Variants in NRN1 observed in about 807,000 individuals in gnomAD.
The protein encoded by NRN1 is neuritin 1, also known as neuritin.
In NRN1, 4 loss-of-function variants were observed where a neutral mutation model predicts 15.0. The ratio of observed to expected loss-of-function variants is 0.27; its 90% confidence interval spans 0.13 to 0.61. The LOEUF (loss-of-function observed/expected upper bound fraction) is 0.61, where lower values mean the gene tolerates loss of function less well. Ranked by LOEUF, NRN1 falls within the 20% of genes least tolerant of loss-of-function variation. The pLI is 0.87. For synonymous variants in NRN1, 85 were observed against 79.8 expected, an observed-to-expected ratio of 1.07 and a Z score of -0.35; for missense variants, 134 against 181.9, an observed-to-expected ratio of 0.74 and a Z score of 1.51.
chr6:6,006,962 A>AGG (rs11285278), upstream of NRN1: 28 of 151,888 alleles, frequency 1.8e-4, no homozygotes, highest in East Asian at 2.2e-3. Context: ...AGAGAGGCTG[A>AGG]GGGGGGGGGG....
intron 1 of NRN1, chr6:6,002,854 C>G (rs896614493): frequency 5.3e-6 from 2 of 379,670 alleles, no homozygotes; most frequent in Non-Finnish European, 9.5e-6. Context: ...TTCTCTTTCT[C>G]CTCGCTCCCT....
chr6:6,001,354 G>T (rs147881387), intron 2 of NRN1, among the ~76,000 whole-genome samples: 178 of 152,312 alleles, frequency 1.2e-3, no homozygotes, highest in African/African-American at 3.8e-3. Flanking sequence ...GTTATTTTGG[G>T]GGTGGGGGAA....
chr6:6,002,430 A>G lies in NRN1; in HGVS notation c.123T>C (p.Cys41=), dbSNP rs1191173020. 1 of 1,614,206 alleles carries G rather than the reference A, an allele frequency of 6.2e-7. No individual in the cohort carries two copies. Among genetic ancestry groups the G allele is most frequent in the East Asian group, 2.2e-5 (1 of 44,872 alleles). Residue 41 remains cysteine (C), a synonymous_variant, in exon 2 of 3, where the codon TGT becomes TGC. Coordinates refer to ENST00000244766, the MANE Select transcript of NRN1 (RefSeq NM_016588.3). ...CDAVFKGFSD[C]LLKLGDSMAN... ...CCATGCTGTCGCCCAGCTTGAGCAA[A>G]CAGTCCGAAAAGCCCTTGAAGACCG...
chr6:6,003,957 C>G lies in NRN1; in HGVS notation c.56-1460G>C, dbSNP rs921027889. On this transcript the variant is annotated intron_variant, in intron 1 of 2. Transcript: ENST00000244766. ...GTGTGTGAATGTGTCCCGGGAGGAC[C>G]GGACACCTCAATCCCCCGGCCCCCA... 4.3e-5 allele frequency: 53 copies of G among 1,225,142 alleles called. 1 individual carries two copies. Among genetic ancestry groups the G allele is most frequent in the Middle Eastern group, 6.3e-4 (2 of 3,200 alleles). The allele number at this position is 1,225,142 out of a possible 1,614,324, so 75.9% of individuals were successfully genotyped here.
chr6:6,007,046 G>T (rs1174042635), upstream of NRN1: 1 of 406,312 alleles, frequency 2.5e-6, no homozygotes, highest in Non-Finnish European at 4.4e-6. Flanking sequence ...CAGGCCTGAC[G>T]TGGGGGATGA....
intron 1 of NRN1, chr6:6,003,633 G>GCCCCAATC: frequency 9.4e-7 from 1 of 1,058,260 alleles, no homozygotes; most frequent in Non-Finnish European, 1.2e-6. Context: ...GAAGGTCCAA[G>GCCCCAATC]CCCCAAGCCC....
rs753578227 is a variant in NRN1 at position 5,999,256 on chromosome 6, G to GGACGCCGGT, written c.201-53_201-52insACCGGCGTC. On this transcript the variant is annotated intron_variant, in intron 2 of 2. Coordinates refer to ENST00000244766, the MANE Select transcript of NRN1 (RefSeq NM_016588.3). Reference sequence around the variant, plus strand: ...CAAGCAGGTTCACTTGGGACGCCGGGAACACCCCGGGCTTGCGCCCCTGCG... The same window carrying GGACGCCGGT: ...CAAGCAGGTTCACTTGGGACGCCGGGGACGCCGGTAACACCCCGGGCTTGCGCCCCTGCG... The GGACGCCGGT allele has an allele frequency of 1.8e-5, 27 of 1,507,436 alleles. No individual in the cohort carries two copies. The African/African-American group carries it at 3.1e-4, about 18-fold the overall frequency. The allele number at this position is 1,507,436 out of a possible 1,614,324, so 93.4% of individuals were successfully genotyped here. A position where few individuals can be genotyped will look rare whatever the true frequency, so the allele number is the denominator to read the frequency against.
At chr6:6,005,446 G>A (rs912099024) in intron 1 of NRN1, among the ~76,000 whole-genome samples, 3 of 152,148 alleles carry the variant, frequency 2.0e-5, no homozygotes, top group African/African-American at 7.2e-5. Context: ...TCTTTATAAT[G>A]TTTCTGCATT....
chr6:6,003,996 T>A, intron 1 of NRN1: 3 of 1,213,078 alleles, frequency 2.5e-6, no homozygotes, highest in Non-Finnish European at 3.1e-6. Flanking sequence ...CGGGCGCCTG[T>A]CCGCGAGCGC....
At chr6:6,006,058 T>C (rs1405720952) in intron 1 of NRN1, among the ~76,000 whole-genome samples, 1 of 152,224 alleles carries the variant, frequency 6.6e-6, no homozygotes, top group Non-Finnish European at 1.5e-5. Flanking sequence ...TCTAGAAAAG[T>C]ATATCTACGT....
At position 6,002,447 on chromosome 6, in the gene NRN1, T is replaced by G; in HGVS notation, c.106A>C (p.Lys36Gln). The G allele has an allele frequency of 6.2e-7, 1 of 1,614,196 alleles. No homozygotes were observed. Among genetic ancestry groups the G allele is most frequent in the Non-Finnish European group, 8.5e-7 (1 of 1,180,024 alleles). ...RAAGKCDAVF[K>Q]GFSDCLLKLG... ...TTGAGCAAACAGTCCGAAAAGCCCT[T>G]GAAGACCGCATCGCACTTGCCCGCT... Residue 36 changes from lysine to glutamine, a missense_variant, in exon 2 of 3, where the codon AAG (lysine) becomes CAG (glutamine). Transcript: ENST00000244766.
In NRN1 at chr6:5,999,265, G is replaced by A. The variant is rs1757864120; in HGVS notation, c.201-61C>T. On this transcript the variant is annotated intron_variant, in intron 2 of 2. Coordinates refer to ENST00000244766, the MANE Select transcript of NRN1 (RefSeq NM_016588.3). ...TCACTTGGGACGCCGGGAACACCCC[G>A]GGCTTGCGCCCCTGCGCCTCCCCGC... is the stretch of plus-strand genomic sequence containing the variant. 4 of 1,465,760 alleles carry A rather than the reference G, an allele frequency of 2.7e-6. No individual in the cohort carries two copies. The Admixed American group carries it at 5.1e-5, about 19-fold the overall frequency. The allele number at this position is 1,465,760 out of a possible 1,614,324, so 90.8% of individuals were successfully genotyped here.
At position 5,998,857 on chromosome 6, in the gene NRN1, G is replaced by A; in HGVS notation, c.*119C>T. On this transcript the variant is annotated 3_prime_UTR_variant, in exon 3 of 3. Coordinates refer to ENST00000244766, the MANE Select transcript of NRN1 (RefSeq NM_016588.3). ...ATCAGGATTTCCCACAATCCTATAT[G>A]AGTGTTTTCAGCATCACAGAGAATC... is the stretch of plus-strand genomic sequence containing the variant. 3.0e-6 allele frequency: 2 copies of A among 675,906 alleles called. No individual in the cohort carries two copies. Among genetic ancestry groups the A allele is most frequent in the Non-Finnish European group, 5.0e-6 (2 of 396,434 alleles). The allele number at this position is 675,906 out of a possible 1,614,324, so 41.9% of individuals were successfully genotyped here.
At chr6:6,004,811 C>T (rs1758064778) in intron 1 of NRN1, among the ~76,000 whole-genome samples, 2 of 152,056 alleles carry the variant, frequency 1.3e-5, no homozygotes, top group African/African-American at 4.8e-5. Context: ...CTGCCGTCCC[C>T]TTCTTGTGCG....
chr6:6,002,937 CAG>C, intron 1 of NRN1: 2 of 399,974 alleles, frequency 5.0e-6, no homozygotes, highest in Non-Finnish European at 8.9e-6. Context: ...TTTGAGGTGA[CAG>C]AAGGGGTCTC....
chr6:6,000,722 C>CTTTTTTTTTTTTTTT lies in NRN1; in HGVS notation c.201-1533_201-1519dup, dbSNP rs55712329. Among the ~76,000 whole-genome samples the CTTTTTTTTTTTTTTT allele has an allele frequency of 2.5e-4, 15 of 60,816 alleles. 3 individuals are homozygous for CTTTTTTTTTTTTTTT. The highest frequency in any genetic ancestry group is 7.4e-4 in the African/African-American group (11 of 14,946). 39.9% of individuals were successfully genotyped at this position (60,816 alleles called of 152,430 possible). On this transcript the variant is annotated intron_variant, in intron 2 of 2. Coordinates refer to ENST00000244766, the MANE Select transcript of NRN1 (RefSeq NM_016588.3). The stretch of plus-strand genomic sequence containing the variant: ...CCTGCTAAAGGATGCCTAAATTGCT[C>CTTTTTTTTTTTTTTT]TTTTTTTTTTTTTTTTTTTTTTTTT...
upstream of NRN1, chr6:6,007,486 C>G (rs968296396): frequency 2.6e-5 from 4 of 152,694 alleles, no homozygotes; most frequent in African/African-American, 4.8e-5. Flanking sequence ...CGCTTGCCTA[C>G]CCTCTTTTTC....
At chr6:6,001,084 G>T (rs1757932210) in intron 2 of NRN1, among the ~76,000 whole-genome samples, 1 of 152,196 alleles carries the variant, frequency 6.6e-6, no homozygotes, top group African/African-American at 2.4e-5. Context: ...AAATGACTTT[G>T]TCCCTTTCAT....
rs779047967 is a variant in NRN1, at chr6:6,002,391, C to T, written c.162G>A (p.Gln54=). ...KLGDSMANYP[Q]GLDDKTNIKT... ...TGATGTTCGTCTTGTCGTCCAGGCC[C>T]TGCGGGTAGTTGGCCATGCTGTCGC... Residue 54 remains glutamine, a synonymous_variant, in exon 2 of 3, where the codon CAG becomes CAA. Transcript: ENST00000244766. The T allele has an allele frequency of 1.9e-6, 3 of 1,614,232 alleles. 1 individual carries two copies. The highest frequency in any genetic ancestry group is 2.2e-5 in the East Asian group (1 of 44,882).
Sources: allele counts gnomAD v4.1 joint callset (sites outside exome capture counted in the v4.1 genomes callset), GRCh38; gene constraint gnomAD v4.1.1; transcripts MANE v1.5; gene names NCBI Gene and HGNC (gene_info 2026-07-23, HGNC 2026-07-21).